Variants in CHEK2 observed in about 807,000 individuals in gnomAD.
The protein encoded by CHEK2 is serine/threonine-protein kinase Chk2.
CHEK2 carries 71 observed loss-of-function variants against 69.1 expected under a neutral mutation model. That is an observed-to-expected ratio of 1.03 (90% CI 0.85 to 1.25). The LOEUF (loss-of-function observed/expected upper bound fraction) is 1.25. Ranked by LOEUF, CHEK2 falls within the 50% of genes most tolerant of loss-of-function variation. CHEK2 has a pLI of 0.00. For synonymous variants in CHEK2, 189 were observed against 226.9 expected, an observed-to-expected ratio of 0.83 and a Z score of 1.50; for missense variants, 664 against 649.6, an observed-to-expected ratio of 1.02 and a Z score of -0.24.
intron 2 of CHEK2, among the ~76,000 whole-genome samples, chr22:28,732,353 C>T (rs1386719817): frequency 4.6e-5 from 7 of 152,078 alleles, no homozygotes; most frequent in Non-Finnish European, 4.4e-5. Flanking sequence ...TCAGGTGATC[C>T]GCCCATCTCG....
chr22:28,696,915 C>G lies in CHEK2; in HGVS notation c.1081G>C (p.Asp361His), dbSNP rs199859140. The change falls in exon 10 of 15, where the codon GAC (aspartate) becomes CAC (histidine). Residue 361 changes from aspartate to histidine, a missense_variant. Asp to His is a moderately conservative substitution (Grantham distance 81). Transcript: ENST00000404276. The part of the protein sequence containing the change: ...ENVLLSSQEE[D>H]CLIKITDFGH... ...CAATTTCTTACCTTTATAAGACAGT[C>G]CTCTTCTTGAGATGACAGTAAAACA... The G allele has an allele frequency of 1.2e-6, 2 of 1,610,882 alleles. No individual in the cohort carries two copies. The highest frequency in any genetic ancestry group is 1.7e-6 in the Non-Finnish European group (2 of 1,177,250).
chr22:28,710,125 C>T (rs2053341511), intron 6 of CHEK2, 66 bp from the exon 7 acceptor site: 3 of 1,098,232 alleles, frequency 2.7e-6, no homozygotes, highest in Admixed American at 1.8e-5. Context: ...AAAACATTTA[C>T]AGTTAAACTC....
rs753204096 is a variant in CHEK2, at chr22:28,734,564, G to C, written c.158C>G (p.Ser53Cys). ...GCTCAGTGTCCCAGAGCTGGAGTGA[G>C]AGGACTGGCTGGAGTTTGGCATCGT... ...TSTMPNSSQS[S>C]HSSSGTLSSL... The change falls in exon 2 of 15, where the codon TCT (serine) becomes TGT (cysteine). Residue 53 changes from serine to cysteine, a missense_variant. Transcript: ENST00000404276. 37 of 1,613,822 alleles carry C rather than the reference G, an allele frequency of 2.3e-5. No individual in the cohort carries two copies. The South Asian group carries it at 3.8e-4, about 17-fold the overall frequency.
intron 2 of CHEK2, chr22:28,729,270 G>A (rs913978113): frequency 5.2e-5 from 14 of 267,734 alleles, no homozygotes; most frequent in African/African-American, 2.3e-4. Context: ...GACGCCAGGC[G>A]CGGTGGCTCA....
chr22:28,701,116 T>G (rs1431255376), intron 8 of CHEK2, among the ~76,000 whole-genome samples: 3 of 152,126 alleles, frequency 2.0e-5, no homozygotes, highest in African/African-American at 4.8e-5. Context: ...TTAACTGTGT[T>G]AACTGGATTC....
chr22:28,703,410 C>A (rs1273271580), intron 8 of CHEK2, 95 bp downstream of exon 8: 1 of 747,162 alleles, frequency 1.3e-6, no homozygotes, highest in Non-Finnish European at 2.4e-6. Flanking sequence ...GTTGAGGCCC[C>A]CCAGGATGAG....
At chr22:28,731,193 A>T (rs1415394322) in intron 2 of CHEK2, among the ~76,000 whole-genome samples, 4 of 152,122 alleles carry the variant, frequency 2.6e-5, no homozygotes, top group Non-Finnish European at 5.9e-5. Flanking sequence ...ACAGAGTGAG[A>T]TCCTGTCTCA....
Position 28,734,576 on chromosome 22 carries a change from G to A in CHEK2, c.146C>T (p.Ser49Phe), listed in dbSNP as rs730881694. Residue 49 changes from serine (S) to phenylalanine (F), a missense_variant, in exon 2 of 15, where the codon TCC becomes TTC. By Grantham distance (155) the Ser-to-Phe change is radical (BLOSUM62 -2). Coordinates refer to ENST00000404276, the MANE Select transcript of CHEK2 (RefSeq NM_007194.4). ...AGAGCTGGAGTGAGAGGACTGGCTG[G>A]AGTTTGGCATCGTGCTGGTAGAGGA... Reference protein sequence around the residue: ...SSSSTSTMPNSSQSSHSSSGT... With the variant: ...SSSSTSTMPNFSQSSHSSSGT... 4 of 1,613,970 alleles carry A rather than the reference G, an allele frequency of 2.5e-6. No homozygotes were observed. Among genetic ancestry groups the A allele is most frequent in the Non-Finnish European group, 2.5e-6 (3 of 1,180,006 alleles).
chr22:28,695,376 G>T lies in CHEK2; in HGVS notation c.1260-134C>A, dbSNP rs916136968. On this transcript the variant is annotated intron_variant, in intron 11 of 14. Transcript: ENST00000404276. ...AATCAATGGTCAAAAAGTGAGCTAGGCTGGGCACAATGCCTTAGGCTTGTA... is the reference window on the plus strand; with the variant it reads ...AATCAATGGTCAAAAAGTGAGCTAGTCTGGGCACAATGCCTTAGGCTTGTA... 4.3e-6 allele frequency: 3 copies of T among 695,544 alleles called. No homozygotes were observed. In the African/African-American group the frequency reaches 5.3e-5, roughly 12 times the overall value. The allele number at this position is 695,544 out of a possible 1,614,324, so 43.1% of individuals were successfully genotyped here. A position where few individuals can be genotyped will look rare whatever the true frequency, so the allele number is the denominator to read the frequency against.
chr22:28,692,440 CA>C (rs1377102387), intron 13 of CHEK2, among the ~76,000 whole-genome samples: 1 of 151,776 alleles, frequency 6.6e-6, no homozygotes, highest in African/African-American at 2.4e-5. Context: ...CTGTAGTTTC[CA>C]GGGCAACATC....
At chr22:28,707,851 T>TC (rs1429409510) in intron 7 of CHEK2, among the ~76,000 whole-genome samples, 1 of 148,718 alleles carries the variant, frequency 6.7e-6, no homozygotes, top group African/African-American at 2.5e-5. Flanking sequence ...TTTTTTTTTT[T>TC]TGTGAGACGG....
At chr22:28,716,023 G>A (rs531440441) in intron 5 of CHEK2, among the ~76,000 whole-genome samples, 78 of 151,578 alleles carry the variant, frequency 5.1e-4, no homozygotes, top group African/African-American at 1.7e-3. Context: ...AGACCGCAAC[G>A]CTCAGCTAAC....
At chr22:28,692,030 TA>T (rs2052384783) in intron 13 of CHEK2, among the ~76,000 whole-genome samples, 1 of 152,244 alleles carries the variant, frequency 6.6e-6, no homozygotes, top group South Asian at 2.1e-4. Flanking sequence ...AAAAGGTGGC[TA>T]AAAGAGTATT....
chr22:28,713,821 C>T (rs2145967711), intron 5 of CHEK2, among the ~76,000 whole-genome samples: 1 of 152,242 alleles, frequency 6.6e-6, no homozygotes. Flanking sequence ...GCTGGGATTA[C>T]AGGTGTGTGC....
chr22:28,731,996 C>A (rs1233227980), intron 2 of CHEK2, among the ~76,000 whole-genome samples: 1 of 152,198 alleles, frequency 6.6e-6, no homozygotes, highest in Admixed American at 6.5e-5. Context: ...GGCGGGACTG[C>A]AGTAGCGCAA....
At chr22:28,696,059 A>T (rs2052573740) in intron 10 of CHEK2, among the ~76,000 whole-genome samples, 186 bp from the exon 11 acceptor site, 1 of 152,236 alleles carries the variant, frequency 6.6e-6, no homozygotes, top group Non-Finnish European at 1.5e-5. Context: ...TGCTTAAATT[A>T]AAATTCCTGA....
chr22:28,716,427 C>CCT (rs1182819491), intron 5 of CHEK2, among the ~76,000 whole-genome samples: 3 of 151,860 alleles, frequency 2.0e-5, no homozygotes, highest in African/African-American at 4.8e-5. Context: ...AAACCCCCAA[C>CCT]CTCAGGTGAT....
At chr22:28,723,475 G>A (rs1468475607) in intron 4 of CHEK2, among the ~76,000 whole-genome samples, 2 of 151,952 alleles carry the variant, frequency 1.3e-5, no homozygotes, top group Admixed American at 1.3e-4. Flanking sequence ...GCGGGCGCCT[G>A]TAGTCCCAGC....
chr22:28,706,125 C>G (rs1176560867), intron 7 of CHEK2, among the ~76,000 whole-genome samples: 1 of 152,054 alleles, frequency 6.6e-6, no homozygotes, highest in Non-Finnish European at 1.5e-5. Flanking sequence ...AACCCTGTCT[C>G]TACTAAAAAT....
Sources: allele counts gnomAD v4.1 joint callset (sites outside exome capture counted in the v4.1 genomes callset), GRCh38; gene constraint gnomAD v4.1.1; transcripts MANE v1.5; gene names NCBI Gene and HGNC (gene_info 2026-07-23, HGNC 2026-07-21).